The following TCAIM variants were observed in gnomAD, a reference collection of about 807,000 sequenced individuals.
TCAIM encodes T-cell activation inhibitor, mitochondrial.
TCAIM carries 36 observed loss-of-function variants against 58.6 expected under a neutral mutation model. The observed-to-expected ratio is 0.61, with a 90% CI of 0.47 to 0.81. The LOEUF (loss-of-function observed/expected upper bound fraction) is 0.81, where lower values mean the gene tolerates loss of function less well. TCAIM is among the 30% of genes least tolerant of loss of function. TCAIM has a pLI of 0.00. For synonymous variants in TCAIM, 172 were observed against 193.6 expected (o/e 0.89, Z 0.93); for missense variants, 466 against 579.6 (o/e 0.80, Z 2.01).
At chr3:44,399,488 A>G (rs1428021380) in intron 8 of TCAIM, among the ~76,000 whole-genome samples, 3 of 152,180 alleles carry the variant, frequency 2.0e-5, no homozygotes, top group Non-Finnish European at 2.9e-5. Flanking sequence ...GGCTTTTAAT[A>G]GAAAATCTTA....
chr3:44,375,704 A>T (rs77514398), intron 5 of TCAIM, among the ~76,000 whole-genome samples: 2,288 of 152,350 alleles, frequency 0.015, 29 homozygotes, highest in Admixed American at 0.023. Flanking sequence ...AGAGAATAAC[A>T]AGTGTTGGTG....
At chr3:44,372,787 G>A (rs1446921331) in intron 5 of TCAIM, among the ~76,000 whole-genome samples, 1 of 151,806 alleles carries the variant, frequency 6.6e-6, no homozygotes, top group Non-Finnish European at 1.5e-5. Flanking sequence ...GTAGAGATGG[G>A]GTTTCGCCGT....
intron 5 of TCAIM, among the ~76,000 whole-genome samples, chr3:44,372,072 A>AG (rs1553659710): frequency 7.2e-6 from 1 of 138,490 alleles, no homozygotes; most frequent in Non-Finnish European, 1.6e-5. Context: ...GAAGGAAGGA[A>AG]GGAAGATACA....
At chr3:44,349,292 A>C (rs1250490517) in intron 1 of TCAIM, among the ~76,000 whole-genome samples, 2 of 152,208 alleles carry the variant, frequency 1.3e-5, no homozygotes, top group African/African-American at 4.8e-5. Flanking sequence ...ATTTTACTAC[A>C]AGAATTATCT....
At chr3:44,379,611 C>T (rs1701623403) in intron 5 of TCAIM, among the ~76,000 whole-genome samples, 1 of 152,156 alleles carries the variant, frequency 6.6e-6, no homozygotes, top group Non-Finnish European at 1.5e-5. Context: ...CCTTAGCAAA[C>T]TAATGCCGTG....
rs1171095520 is a variant in TCAIM at position 44,408,686 on chromosome 3, T to G, written c.*1004T>G. 6.6e-6 allele frequency: 1 copy of G among 152,156 alleles called. No individual in the cohort carries two copies. The highest frequency in any genetic ancestry group is 1.5e-5 in the Non-Finnish European group (1 of 68,018). The allele number at this position is 152,156 out of a possible 1,614,324, so 9.4% of individuals were successfully genotyped here. ...AAGAGCTCTAAGAAATAGAATCAAGTGTAAAATGGTTCAGACCATTCAGGA... is the reference window on the plus strand; with the variant it reads ...AAGAGCTCTAAGAAATAGAATCAAGGGTAAAATGGTTCAGACCATTCAGGA... On this transcript the variant is annotated 3_prime_UTR_variant, in exon 11 of 11. Transcript: ENST00000342649.
chr3:44,348,586 C>G (rs927975743), intron 1 of TCAIM, among the ~76,000 whole-genome samples: 1 of 151,994 alleles, frequency 6.6e-6, no homozygotes, highest in Non-Finnish European at 1.5e-5. Flanking sequence ...TCTCTCACAG[C>G]AGAGGCAAGT....
chr3:44,394,921 A>ATAT (rs1284407166), intron 6 of TCAIM, among the ~76,000 whole-genome samples: 1 of 48,484 alleles, frequency 2.1e-5, no homozygotes, highest in Non-Finnish European at 3.3e-5. Flanking sequence ...AAAAAAAAAA[A>ATAT]ATATATATAT....
chr3:44,402,759 A>G (rs1435057937), intron 10 of TCAIM, among the ~76,000 whole-genome samples: 1 of 152,098 alleles, frequency 6.6e-6, no homozygotes, highest in Non-Finnish European at 1.5e-5. Flanking sequence ...CTGGTAGCAT[A>G]GGGGACAAGG....
At position 44,366,281 on chromosome 3, in the gene TCAIM, A is replaced by G. The variant is rs1445003563; in HGVS notation, c.320-1175A>G. On this transcript the variant is annotated intron_variant, in intron 4 of 10. Coordinates refer to ENST00000342649, the MANE Select transcript of TCAIM (RefSeq NM_173826.4). ...TTAGCCCAATGATTACCCAACATCA[A>G]AATCAGTAACTTTTTTTTTTTTTTG... Among the ~76,000 whole-genome samples the G allele has an allele frequency of 1.1e-3, 164 of 151,826 alleles. 1 individual carries two copies. The highest frequency in any genetic ancestry group is 1.8e-4 in the Non-Finnish European group (12 of 67,914).
intron 1 of TCAIM, among the ~76,000 whole-genome samples, chr3:44,347,961 G>A (rs1406647816): frequency 6.6e-6 from 1 of 152,134 alleles, no homozygotes; most frequent in Non-Finnish European, 1.5e-5. Context: ...CCTAGGAATA[G>A]TCAGGAAAGC....
chr3:44,374,788 C>A (rs1254277689), intron 5 of TCAIM, among the ~76,000 whole-genome samples: 1 of 151,924 alleles, frequency 6.6e-6, no homozygotes, highest in African/African-American at 2.4e-5. Context: ...AATAAAAAAA[C>A]TATTGCTCTA....
chr3:44,373,521 A>T (rs1275649757), intron 5 of TCAIM, among the ~76,000 whole-genome samples: 2 of 150,538 alleles, frequency 1.3e-5, no homozygotes, highest in Non-Finnish European at 3.0e-5. Context: ...AGGCGTGATG[A>T]TGCATGCCTG....
chr3:44,356,297 C>T (rs1409525133), intron 2 of TCAIM, among the ~76,000 whole-genome samples: 1 of 152,108 alleles, frequency 6.6e-6, no homozygotes. Flanking sequence ...GAGGCCGAGG[C>T]GGGCAGAGCC....
intron 1 of TCAIM, chr3:44,340,486 G>A (rs1700834478): frequency 6.6e-6 from 1 of 152,100 alleles, no homozygotes; most frequent in Non-Finnish European, 1.5e-5. Flanking sequence ...TTTTTAATCT[G>A]AAAAGTACAT....
intron 6 of TCAIM, among the ~76,000 whole-genome samples, chr3:44,394,950 ATATATATATG>A (rs1559581982): frequency 9.2e-6 from 1 of 108,298 alleles, no homozygotes; most frequent in East Asian, 2.9e-4. Context: ...ATATATATAT[ATATATATATG>A]TATATATCCC....
intron 2 of TCAIM, 44 bp downstream of exon 2, chr3:44,354,855 G>A: frequency 6.3e-7 from 1 of 1,594,882 alleles, no homozygotes; most frequent in Non-Finnish European, 8.5e-7. Context: ...GTGGCGGGGG[G>A]AGGTCTGTTA....
intron 10 of TCAIM, among the ~76,000 whole-genome samples, chr3:44,405,013 C>G (rs1331655975): frequency 2.0e-5 from 3 of 152,024 alleles, no homozygotes; most frequent in Non-Finnish European, 2.9e-5. Flanking sequence ...CTAGTATGTA[C>G]AACCCACATG....
At chr3:44,391,707 G>C (rs1313046965) in intron 5 of TCAIM, among the ~76,000 whole-genome samples, 1 of 152,148 alleles carries the variant, frequency 6.6e-6, no homozygotes, top group African/African-American at 2.4e-5. Flanking sequence ...GTGGCAAAAT[G>C]ACTAGATTGG....
Sources: allele counts gnomAD v4.1 joint callset (sites outside exome capture counted in the v4.1 genomes callset), GRCh38; gene constraint gnomAD v4.1.1; transcripts MANE v1.5; gene names NCBI Gene and HGNC (gene_info 2026-07-23, HGNC 2026-07-21).